The following SLC25A21 variants were observed in gnomAD, a reference collection of about 807,000 sequenced individuals.
SLC25A21 encodes mitochondrial 2-oxodicarboxylate carrier.
Under a neutral mutation model 43.8 loss-of-function variants are expected in SLC25A21, and 47 were observed. That is an observed-to-expected ratio of 1.07 (90% CI 0.85 to 1.37). SLC25A21 has a LOEUF of 1.37. SLC25A21 is among the 40% of genes most tolerant of loss of function. SLC25A21 has a pLI of 0.00. For synonymous variants in SLC25A21, 131 were observed against 121.3 expected, an observed-to-expected ratio of 1.08 and a Z score of -0.52; for missense variants, 352 against 350.2, an observed-to-expected ratio of 1.00 and a Z score of -0.04.
At chr14:36,766,261 A>G (rs1886411524) in intron 3 of SLC25A21, among the ~76,000 whole-genome samples, 1 of 152,226 alleles carries the variant, frequency 6.6e-6, no homozygotes, top group African/African-American at 2.4e-5. Flanking sequence ...AAGTGTTCAC[A>G]TTTTACACCC....
chr14:36,679,018 A>G lies in SLC25A21; in HGVS notation c.*1640T>C, dbSNP rs775337481. 7.8e-4 allele frequency: 769 copies of G among 984,840 alleles called. 2 individuals are homozygous for G. The highest frequency in any genetic ancestry group is 8.6e-4 in the Non-Finnish European group (714 of 829,770). The allele number at this position is 984,840 out of a possible 1,614,324, so 61.0% of individuals were successfully genotyped here. A position where few individuals can be genotyped will look rare whatever the true frequency, so the allele number is the denominator to read the frequency against. On this transcript the variant is annotated 3_prime_UTR_variant, in exon 10 of 10. Transcript: ENST00000331299. ...TAGATGGTAAAAGTGTTGCTTTTAA[A>G]CTGGCAAATGCACTCTTCAGAAATC...
Position 37,148,449 on chromosome 14 carries a change from A to T in SLC25A21, c.70+23832T>A, listed in dbSNP as rs191437207. Among the ~76,000 whole-genome samples the T allele has an allele frequency of 2.0e-3, 302 of 152,298 alleles. 1 individual carries two copies. Among genetic ancestry groups the T allele is most frequent in the African/African-American group, 7.2e-3 (298 of 41,556 alleles). The stretch of plus-strand genomic sequence containing the variant: ...GTCAAAACACAGATGTTTTGTCTTC[A>T]TTGTTGCTCTGAGAAACTATGATTC... On this transcript the variant is annotated intron_variant, in intron 1 of 9. Coordinates refer to ENST00000331299, the MANE Select transcript of SLC25A21 (RefSeq NM_030631.4).
chr14:36,963,905 T>C (rs1183505935), intron 1 of SLC25A21, among the ~76,000 whole-genome samples: 1 of 152,186 alleles, frequency 6.6e-6, no homozygotes, highest in Non-Finnish European at 1.5e-5. Flanking sequence ...ATTGCTGCTT[T>C]CACAGTTCCA....
rs1017303166 is a variant in SLC25A21 at position 37,059,827 on chromosome 14, G to A, written c.70+112454C>T. ...GGTGGAGTCAGTACAGTCCGCACTA[G>A]AGGGGTATCAACCAACAATTCCAGA... On this transcript the variant is annotated intron_variant, in intron 1 of 9. Coordinates refer to ENST00000331299, the MANE Select transcript of SLC25A21 (RefSeq NM_030631.4). Among the ~76,000 whole-genome samples the A allele has an allele frequency of 2.4e-4, 37 of 152,256 alleles. No individual in the cohort carries two copies. The East Asian group carries it at 6.0e-3, about 25-fold the overall frequency.
chr14:37,021,397 G>T (rs1186144263), intron 1 of SLC25A21, among the ~76,000 whole-genome samples: 1 of 151,850 alleles, frequency 6.6e-6, no homozygotes, highest in African/African-American at 2.4e-5. Flanking sequence ...TTTTCTCAGG[G>T]CAACCTCTTC....
intron 3 of SLC25A21, among the ~76,000 whole-genome samples, chr14:36,741,195 C>T (rs886396880): frequency 6.6e-6 from 1 of 152,000 alleles, no homozygotes; most frequent in Non-Finnish European, 1.5e-5. Context: ...TCATTTGTAC[C>T]ATAGAGTTGA....
chr14:36,930,776 T>A (rs1892265628), intron 1 of SLC25A21, among the ~76,000 whole-genome samples: 1 of 152,120 alleles, frequency 6.6e-6, no homozygotes, highest in East Asian at 1.9e-4. Flanking sequence ...GTCTTCATGG[T>A]CTGGCATCCA....
intron 6 of SLC25A21, among the ~76,000 whole-genome samples, chr14:36,714,769 C>G (rs1196991856): frequency 6.6e-6 from 1 of 152,116 alleles, no homozygotes; most frequent in Admixed American, 6.5e-5. Flanking sequence ...TATCATGATC[C>G]CTATTTGGCA....
intron 1 of SLC25A21, among the ~76,000 whole-genome samples, chr14:36,993,683 T>G (rs1326255486): frequency 1.3e-5 from 2 of 152,170 alleles, no homozygotes; most frequent in African/African-American, 2.4e-5. Flanking sequence ...AGACAATACA[T>G]CTTATCATCA....
intron 1 of SLC25A21, among the ~76,000 whole-genome samples, chr14:37,162,652 A>G (rs1963965278): frequency 6.6e-6 from 1 of 152,186 alleles, no homozygotes; most frequent in East Asian, 1.9e-4. Context: ...CAGGTGCTGG[A>G]GAGGATGTAG....
chr14:37,044,248 A>G (rs1961540226), intron 1 of SLC25A21, among the ~76,000 whole-genome samples: 1 of 152,016 alleles, frequency 6.6e-6, no homozygotes, highest in Non-Finnish European at 1.5e-5. Context: ...GTTATTAATA[A>G]TATTTTTTAA....
Position 36,805,309 on chromosome 14 carries a change from G to A in SLC25A21, c.203+8609C>T, listed in dbSNP as rs372681781. ...TTGTGAGAGAGAGGCTGGGGGAGTC[G>A]GAGTGTGAGTGTCAGCTAGCAGTCT... is the stretch of plus-strand genomic sequence containing the variant. On this transcript the variant is annotated intron_variant, in intron 3 of 9. Coordinates refer to ENST00000331299, the MANE Select transcript of SLC25A21 (RefSeq NM_030631.4). Among the ~76,000 whole-genome samples the A allele has an allele frequency of 4.5e-4, 69 of 152,256 alleles. No individual in the cohort carries two copies. The East Asian group carries it at 0.011, about 24-fold the overall frequency.
At position 37,150,577 on chromosome 14, in the gene SLC25A21, A is replaced by T. The variant is rs191413199; in HGVS notation, c.70+21704T>A. ...AGATGCTTTGCAATAGTGGAATGTA[A>T]TCAGAAGTTAACACACTTCTAGATC... is the stretch of plus-strand genomic sequence containing the variant. On this transcript the variant is annotated intron_variant, in intron 1 of 9. Coordinates refer to ENST00000331299, the MANE Select transcript of SLC25A21 (RefSeq NM_030631.4). 2.0e-3 allele frequency among the ~76,000 whole-genome samples: 303 copies of T among 152,360 alleles called. 2 individuals carry two copies. The highest frequency in any genetic ancestry group is 7.2e-3 in the African/African-American group (299 of 41,582).
At chr14:36,787,848 T>C (rs975256992) in intron 3 of SLC25A21, among the ~76,000 whole-genome samples, 2 of 152,188 alleles carry the variant, frequency 1.3e-5, no homozygotes, top group Non-Finnish European at 1.5e-5. Context: ...GTTTTTTTCA[T>C]GCAAGTACAA....
intron 7 of SLC25A21, among the ~76,000 whole-genome samples, chr14:36,697,889 A>C: frequency 6.6e-6 from 1 of 152,050 alleles, no homozygotes; most frequent in Non-Finnish European, 1.5e-5. Context: ...TGTGTCTTTT[A>C]ATTAGAGCAT....
chr14:36,680,832 C>A (rs1454076012), intron 9 of SLC25A21, 113 bp from the exon 10 acceptor site: 5 of 830,398 alleles, frequency 6.0e-6, no homozygotes, highest in South Asian at 4.0e-5. Flanking sequence ...AGAGGCTGTT[C>A]GGAATCAACA....
chr14:36,716,356 A>C (rs1390551517), intron 6 of SLC25A21, among the ~76,000 whole-genome samples: 1 of 152,090 alleles, frequency 6.6e-6, no homozygotes, highest in African/African-American at 2.4e-5. Flanking sequence ...TAGAGTTAAT[A>C]AAATTGTGTT....
chr14:36,822,893 TTCA>T (rs1450656615), intron 2 of SLC25A21, among the ~76,000 whole-genome samples: 3 of 152,210 alleles, frequency 2.0e-5, no homozygotes, highest in Non-Finnish European at 4.4e-5. Context: ...CTATAAATAG[TTCA>T]TCATTTTGTC....
chr14:37,003,332 T>C (rs1358594888), intron 1 of SLC25A21, among the ~76,000 whole-genome samples: 4 of 152,192 alleles, frequency 2.6e-5, no homozygotes, highest in Admixed American at 6.5e-5. Flanking sequence ...TGAAGTGAGG[T>C]GAACGCTACA....
Sources: allele counts gnomAD v4.1 joint callset (sites outside exome capture counted in the v4.1 genomes callset), GRCh38; gene constraint gnomAD v4.1.1; transcripts MANE v1.5; gene names NCBI Gene and HGNC (gene_info 2026-07-23, HGNC 2026-07-21).